NSD2: variants seen among roughly 807,000 people sequenced by gnomAD.
NSD2 encodes the protein nuclear receptor binding SET domain protein 2.
NSD2 carries 12 observed loss-of-function variants against 139.0 expected under a neutral mutation model. The observed-to-expected ratio is 0.09, with a 90% confidence interval of 0.06 to 0.14. The LOEUF is 0.14. NSD2 is among the 10% of genes least tolerant of loss of function. The pLI, the probability that NSD2 is intolerant of heterozygous loss-of-function variation, is 1.00. For synonymous variants in NSD2, 669 were observed against 648.7 expected, an observed-to-expected ratio of 1.03 and a Z score of -0.48; for missense variants, 1,155 against 1,745.0, an observed-to-expected ratio of 0.66 and a Z score of 6.02.
chr4:1,950,723 G>T (rs1056301110), intron 9 of NSD2, among the ~76,000 whole-genome samples: 1 of 152,138 alleles, frequency 6.6e-6, no homozygotes, highest in African/African-American at 2.4e-5. Context: ...GGTAAGAAGG[G>T]CCAAGATTCT....
rs1727832823 is a variant in NSD2 at position 1,982,160 on chromosome 4, T to TGAG, written c.*3252_*3254dup. 5.1e-6 allele frequency: 2 copies of TGAG among 388,456 alleles called. No homozygotes were observed. Among genetic ancestry groups the TGAG allele is most frequent in the Admixed American group, 4.5e-5 (1 of 22,456 alleles). 24.1% of individuals were successfully genotyped at this position (388,456 alleles called of 1,614,324 possible). A position where few individuals can be genotyped will look rare whatever the true frequency, so the allele number is the denominator to read the frequency against. On this transcript the variant is annotated 3_prime_UTR_variant, in exon 22 of 22. Coordinates refer to ENST00000508803, the MANE Select transcript of NSD2 (RefSeq NM_001042424.3). ...AAAGCTGTGTTTGGAAAATTGTGTA[T>TGAG]GAGTATTTTTGTATTAAAAACATTT...
chr4:1,898,431 A>ATCT (rs1334167915), intron 1 of NSD2, among the ~76,000 whole-genome samples: 1 of 152,116 alleles, frequency 6.6e-6, no homozygotes, highest in Non-Finnish European at 1.5e-5. Flanking sequence ...TTGGGAGGCC[A>ATCT]AGGCGGGCGG....
intron 21 of NSD2, 31 bp from the exon 22 acceptor site, chr4:1,978,607 C>T (rs1024133445): frequency 1.9e-6 from 3 of 1,577,418 alleles, no homozygotes; most frequent in East Asian, 2.3e-5. Context: ...TCCATCACTT[C>T]TGTGTGCTCA....
chr4:1,902,669 C>T (rs1577395031), intron 2 of NSD2, among the ~76,000 whole-genome samples: 1 of 152,106 alleles, frequency 6.6e-6, no homozygotes, highest in African/African-American at 2.4e-5. Flanking sequence ...GAACTCCTGA[C>T]CTCAAACGAT....
At chr4:1,947,718 C>T in intron 9 of NSD2, 7 of 1,053,330 alleles carry the variant, frequency 6.6e-6, no homozygotes, top group Non-Finnish European at 6.9e-6. Context: ...TCGCCATCAG[C>T]TTCCTTCTTT....
At chr4:1,952,257 TGC>T in intron 11 of NSD2, 26 bp downstream of exon 11, 1 of 1,611,694 alleles carries the variant, frequency 6.2e-7, no homozygotes, top group Non-Finnish European at 8.5e-7. Context: ...CGGGCAGCTC[TGC>T]AGCCTGGCCG....
chr4:1,883,631 CAA>C (rs558413845), intron 1 of NSD2, among the ~76,000 whole-genome samples: 16 of 74,114 alleles, frequency 2.2e-4, no homozygotes, highest in Non-Finnish European at 2.0e-4. Flanking sequence ...ACTTTGTTTC[CAA>C]AAAAAAAAAA....
chr4:1,918,380 T>G lies in NSD2; in HGVS notation c.1167T>G (p.Ser389=). ...AAGAAGCTGCTGAAAACCCCAAGTC[T>G]GTGAGAGAAGAGTGCATTCCCATGA... ...VSEEAAENPK[S]VREECIPMKR... The change falls in exon 5 of 22, where the codon TCT becomes TCG. Residue 389 remains serine (S), a synonymous_variant. Transcript: ENST00000508803. 4 of 1,614,088 alleles carry G rather than the reference T, an allele frequency of 2.5e-6. No homozygotes were observed. The highest frequency in any genetic ancestry group is 3.4e-6 in the Non-Finnish European group (4 of 1,180,030).
At chr4:1,890,216 T>C (rs1237188998) in intron 1 of NSD2, among the ~76,000 whole-genome samples, 6 of 152,220 alleles carry the variant, frequency 3.9e-5, no homozygotes, top group African/African-American at 1.4e-4. Flanking sequence ...CATTCATCAG[T>C]TGATAGACAG....
At chr4:1,971,455 G>C (rs1204807162) in intron 18 of NSD2, among the ~76,000 whole-genome samples, 1 of 152,174 alleles carries the variant, frequency 6.6e-6, no homozygotes, top group Non-Finnish European at 1.5e-5. Flanking sequence ...GACAGATGAT[G>C]AGCATGAATT....
intron 18 of NSD2, among the ~76,000 whole-genome samples, chr4:1,968,100 A>T (rs1726073606): frequency 1.3e-5 from 2 of 152,234 alleles, no homozygotes; most frequent in Admixed American, 1.3e-4. Context: ...TAGACCTTGC[A>T]TTCTAGTGCT....
At chr4:1,903,732 A>AT (rs1219690096) in intron 2 of NSD2, among the ~76,000 whole-genome samples, 6,134 of 136,606 alleles carry the variant, frequency 0.045, 484 homozygotes, top group African/African-American at 0.15. Context: ...TGAGAGAGAA[A>AT]TTTTTTTTTT....
intron 3 of NSD2, among the ~76,000 whole-genome samples, chr4:1,911,587 C>CAAAAAAAAAAAAAA (rs372660600): frequency 2.4e-3 from 101 of 41,856 alleles, no homozygotes; most frequent in Non-Finnish European, 3.6e-3. Flanking sequence ...GACGCCATCT[C>CAAAAAAAAAAAAAA]AAAAAAAAAA....
At chr4:1,898,272 A>C (rs529125165) in intron 1 of NSD2, among the ~76,000 whole-genome samples, 1 of 152,110 alleles carries the variant, frequency 6.6e-6, no homozygotes, top group East Asian at 1.9e-4. Flanking sequence ...TTTTTTGTTG[A>C]GATGGGCTCT....
At chr4:1,939,394 G>A (rs1722837955) in intron 8 of NSD2, 7 of 469,772 alleles carry the variant, frequency 1.5e-5, no homozygotes, top group Non-Finnish European at 1.9e-5. Flanking sequence ...AGGGGGACGT[G>A]GAACCAGGTA....
chr4:1,945,744 G>C, intron 9 of NSD2: 1 of 1,064,178 alleles, frequency 9.4e-7, no homozygotes, highest in Non-Finnish European at 1.1e-6. Context: ...AGGCTCCTCT[G>C]ATGGCTGACA....
intron 1 of NSD2, among the ~76,000 whole-genome samples, chr4:1,899,995 T>C (rs1250522265): frequency 2.0e-5 from 3 of 152,196 alleles, no homozygotes; most frequent in Admixed American, 2.0e-4. Flanking sequence ...TGGGATTGCT[T>C]TCACCCTTGG....
chr4:1,906,936 C>T (rs1162199078), intron 3 of NSD2, among the ~76,000 whole-genome samples: 3 of 152,144 alleles, frequency 2.0e-5, no homozygotes, highest in South Asian at 4.1e-4. Flanking sequence ...GCTGGGATTA[C>T]AGGCGTGAGC....
At chr4:1,890,567 C>T (rs931407136) in intron 1 of NSD2, among the ~76,000 whole-genome samples, 1 of 151,830 alleles carries the variant, frequency 6.6e-6, no homozygotes, top group African/African-American at 2.4e-5. Flanking sequence ...TCCCAAAGTG[C>T]TGGGATTACA....
Sources: allele counts gnomAD v4.1 joint callset (sites outside exome capture counted in the v4.1 genomes callset), GRCh38; gene constraint gnomAD v4.1.1; transcripts MANE v1.5; gene names NCBI Gene and HGNC (gene_info 2026-07-23, HGNC 2026-07-21).